Variants in SHC4 observed in about 807,000 individuals in gnomAD.
The protein encoded by SHC4 is SHC adaptor protein 4.
In SHC4, 41 loss-of-function variants were observed where a neutral mutation model predicts 69.4. The ratio of observed to expected loss-of-function variants is 0.59; its 90% CI spans 0.46 to 0.77. The LOEUF (loss-of-function observed/expected upper bound fraction) is 0.77, where lower values mean the gene tolerates loss of function less well. SHC4 is among the 30% of genes least tolerant of loss of function. The pLI is 0.00. For synonymous variants in SHC4, 318 were observed against 299.3 expected, an observed-to-expected ratio of 1.06 and a Z score of -0.64; for missense variants, 777 against 783.8, an observed-to-expected ratio of 0.99 and a Z score of 0.10.
intron 1 of SHC4, chr15:48,938,247 T>C (rs781257571): frequency 6.6e-6 from 1 of 152,130 alleles, no homozygotes; most frequent in East Asian, 1.9e-4. Context: ...TCCAGCAAAA[T>C]CCCAGGTTGT....
intron 6 of SHC4, among the ~76,000 whole-genome samples, chr15:48,864,845 G>T (rs1899527542): frequency 6.6e-6 from 1 of 152,150 alleles, no homozygotes; most frequent in Non-Finnish European, 1.5e-5. Flanking sequence ...CAAAATATTT[G>T]ATGGCTCCAG....
chr15:48,840,448 T>C (rs972863704), intron 10 of SHC4, among the ~76,000 whole-genome samples: 4 of 152,162 alleles, frequency 2.6e-5, no homozygotes, highest in Non-Finnish European at 4.4e-5. Flanking sequence ...TTAGTAACTC[T>C]GGATTTGTTT....
In SHC4 at chr15:48,963,380, C is replaced by G; in HGVS notation, c.-365G>C. On this transcript the variant is annotated 5_prime_UTR_variant, in exon 1 of 12. Coordinates refer to ENST00000332408, the MANE Select transcript of SHC4 (RefSeq NM_203349.4). ...GTCGGGGGGCCCGCTGCATCACTAGCCTTGCAGGAGCCTAGTAGAAATATT... is the reference window on the plus strand; with the variant it reads ...GTCGGGGGGCCCGCTGCATCACTAGGCTTGCAGGAGCCTAGTAGAAATATT... 1 of 255,330 alleles carries G rather than the reference C, an allele frequency of 3.9e-6. No individual in the cohort carries two copies. The highest frequency in any genetic ancestry group is 7.5e-6 in the Non-Finnish European group (1 of 133,404). The allele number at this position is 255,330 out of a possible 1,614,324, so 15.8% of individuals were successfully genotyped here.
intron 1 of SHC4, among the ~76,000 whole-genome samples, chr15:48,961,189 C>T (rs1901540000): frequency 6.6e-6 from 1 of 152,182 alleles, no homozygotes. Flanking sequence ...TTCCCTGCTT[C>T]AATCCATGTC....
chr15:48,929,461 A>G (rs147597657), intron 1 of SHC4, among the ~76,000 whole-genome samples: 11 of 152,326 alleles, frequency 7.2e-5, no homozygotes, highest in African/African-American at 2.4e-4. Flanking sequence ...AGATGAGGAA[A>G]TTGAAGCCTA....
chr15:48,897,756 G>GACACACACACACACACACACACACAC (rs138796905), intron 2 of SHC4, among the ~76,000 whole-genome samples: 105 of 139,066 alleles, frequency 7.6e-4, no homozygotes, highest in East Asian at 2.2e-3. Flanking sequence ...CCCACCTTCT[G>GACACACACACACACACACACACACAC]ACACACACAC....
chr15:48,919,295 A>ATTTTTTTTTTTTTTTTTTTT lies in SHC4; in HGVS notation c.656+5564_656+5583dup, dbSNP rs386382928. Reference sequence around the variant, plus strand: ...CTCACACTCTTAAAAATTTATTTTAATTTTTTTTTTTTTTTTTTTTGTAGA... The same window carrying ATTTTTTTTTTTTTTTTTTTT: ...CTCACACTCTTAAAAATTTATTTTAATTTTTTTTTTTTTTTTTTTTTTTTTTTTTTTTTTTTTTTTGTAGA... On this transcript the variant is annotated intron_variant, in intron 2 of 11. Coordinates refer to ENST00000332408, the MANE Select transcript of SHC4 (RefSeq NM_203349.4). Among the ~76,000 whole-genome samples, 162 of 71,238 alleles carry ATTTTTTTTTTTTTTTTTTTT rather than the reference A, an allele frequency of 2.3e-3. 16 individuals carry two copies. The highest frequency in any genetic ancestry group is 3.3e-3 in the African/African-American group (63 of 19,166). The allele number at this position is 71,238 out of a possible 152,430, so 46.7% of individuals were successfully genotyped here.
chr15:48,937,900 A>C (rs1479683760), intron 1 of SHC4, among the ~76,000 whole-genome samples: 1 of 152,220 alleles, frequency 6.6e-6, no homozygotes, highest in Non-Finnish European at 1.5e-5. Context: ...ATATCTTTGC[A>C]GAAATTCCTT....
intron 2 of SHC4, among the ~76,000 whole-genome samples, chr15:48,908,203 G>A (rs533478863): frequency 2.8e-4 from 43 of 152,086 alleles, no homozygotes; most frequent in African/African-American, 5.1e-4. Context: ...CCACATCCAC[G>A]CCAACATCTG....
intron 11 of SHC4, among the ~76,000 whole-genome samples, chr15:48,834,148 T>G (rs1262169774): frequency 3.3e-5 from 5 of 152,212 alleles, no homozygotes; most frequent in Non-Finnish European, 7.3e-5. Flanking sequence ...GATAATTTTC[T>G]GTCTACAGGC....
chr15:48,884,247 C>T lies in SHC4; in HGVS notation c.840+1G>A. 2.5e-6 allele frequency: 4 copies of T among 1,593,244 alleles called. No homozygotes were observed. The highest frequency in any genetic ancestry group is 2.6e-6 in the Non-Finnish European group (3 of 1,173,488). On this transcript the variant is annotated splice_donor_variant, in intron 4 of 11. Transcript: ENST00000332408. LOFTEE classifies it high-confidence loss of function. ...TCTATAAATGACATTTGTGATCTTA[C>T]CTGTTGGTTGTCAAGATTCATCAAT...
intron 6 of SHC4, among the ~76,000 whole-genome samples, chr15:48,859,461 C>T (rs1595734911): frequency 6.6e-6 from 1 of 152,038 alleles, no homozygotes; most frequent in East Asian, 1.9e-4. Flanking sequence ...GAGCTAATTC[C>T]GGTTTTGAAA....
rs776785661 is a variant in SHC4, at chr15:48,843,439, G to A, written c.1453C>T (p.Gln485Ter). 5.0e-6 allele frequency: 8 copies of A among 1,613,666 alleles called. No individual in the cohort carries two copies. Among genetic ancestry groups the A allele is most frequent in the Non-Finnish European group, 5.9e-6 (7 of 1,179,764 alleles). Residue 485 changes from glutamine (Q) to a stop codon, truncating the protein, a stop_gained, in exon 10 of 12, where the codon CAA becomes TAA. Transcript: ENST00000332408. LOFTEE classifies it high-confidence loss of function. ...CAGTGCCATGGGCTCCCCAGTGGTT[G>A]GGCTGACCTTTGATTTCCAGCAGAG... ...PGSAGNQRSA[Q>*]PLGSPWHCGK...
At chr15:48,844,093 A>G (rs559797570) in intron 9 of SHC4, among the ~76,000 whole-genome samples, 1 of 152,322 alleles carries the variant, frequency 6.6e-6, no homozygotes, top group Non-Finnish European at 1.5e-5. Context: ...ATACAATAAA[A>G]TTCTTAAGAG....
intron 11 of SHC4, among the ~76,000 whole-genome samples, chr15:48,828,413 A>G (rs1162235215): frequency 6.6e-6 from 1 of 152,084 alleles, no homozygotes; most frequent in South Asian, 2.1e-4. Flanking sequence ...TGTTTAGTGG[A>G]TCTTAGTTTT....
chr15:48,868,818 A>G (rs915905154), intron 5 of SHC4, among the ~76,000 whole-genome samples: 3 of 152,216 alleles, frequency 2.0e-5, no homozygotes, highest in African/African-American at 7.2e-5. Flanking sequence ...AATAACACAT[A>G]CCTGAGTAAA....
intron 6 of SHC4, among the ~76,000 whole-genome samples, chr15:48,862,565 T>G (rs1000819404): frequency 1.4e-4 from 21 of 152,134 alleles, no homozygotes; most frequent in African/African-American, 5.1e-4. Flanking sequence ...GTGGGAAGCT[T>G]CGGGATTGTC....
chr15:48,915,103 A>G (rs997860575), intron 2 of SHC4, among the ~76,000 whole-genome samples: 1 of 152,236 alleles, frequency 6.6e-6, no homozygotes, highest in African/African-American at 2.4e-5. Context: ...TTTACATATT[A>G]TGGATATTAA....
chr15:48,908,005 T>C (rs1246703320), intron 2 of SHC4, among the ~76,000 whole-genome samples: 1 of 152,134 alleles, frequency 6.6e-6, no homozygotes, highest in Non-Finnish European at 1.5e-5. Flanking sequence ...TCTGGGTAGA[T>C]AGAAGGGAAA....
Sources: gnomAD v4.1 joint callset for allele counts (sites outside exome capture counted in the v4.1 genomes callset) on GRCh38, gnomAD v4.1.1 for gene constraint, MANE v1.5 for transcripts, NCBI Gene and HGNC (gene_info 2026-07-23, HGNC 2026-07-21) for gene names.